Variants in CAMTA1 observed in about 807,000 individuals in gnomAD.
CAMTA1 encodes calmodulin-binding transcription activator 1.
CAMTA1 carries 27 observed loss-of-function variants against 170.9 expected under a neutral mutation model. That is an observed-to-expected ratio of 0.16 (90% CI 0.12 to 0.22). The LOEUF is 0.22. Among genes scored for constraint, CAMTA1 ranks in the 10% least tolerant of loss-of-function variants. CAMTA1 has a pLI of 1.00. For missense variants in CAMTA1, 1,619 were observed against 2,217.2 expected, an observed-to-expected ratio of 0.73 and a Z score of 5.42; for synonymous variants, 833 against 891.5, an observed-to-expected ratio of 0.93 and a Z score of 1.17.
In CAMTA1 at chr1:7,050,450, G is replaced by T. The variant is rs4908591; in HGVS notation, c.235-40854G>T. On this transcript the variant is annotated intron_variant, in intron 3 of 22. Coordinates refer to ENST00000303635, the MANE Select transcript of CAMTA1 (RefSeq NM_015215.4). The surrounding 1 kb of genome is among the most constrained non-coding windows in gnomAD (Gnocchi z 4.8). ...CTCATTGCCACTCTGGGTCCCGACC[G>T]GGTGTGGGTTCAGATGAAGACTCTC... 5.3e-5 allele frequency among the ~76,000 whole-genome samples: 8 copies of T among 152,146 alleles called. No homozygotes were observed. The highest frequency in any genetic ancestry group is 1.9e-4 in the African/African-American group (8 of 41,518).
chr1:7,679,577 C>CCCT (rs1450884171), intron 11 of CAMTA1, among the ~76,000 whole-genome samples: 1 of 98,102 alleles, frequency 1.0e-5, no homozygotes, highest in African/African-American at 3.6e-5. Flanking sequence ...CCCTAGCTGC[C>CCCT]CCCCCCCCCA....
At chr1:7,099,259 C>A (rs1440143797) in intron 4 of CAMTA1, among the ~76,000 whole-genome samples, 1 of 152,166 alleles carries the variant, frequency 6.6e-6, no homozygotes, top group Non-Finnish European at 1.5e-5. Context: ...CCCTGTTGGC[C>A]AGGCTGCTCT....
chr1:7,341,181 C>T (rs969568892), intron 5 of CAMTA1, among the ~76,000 whole-genome samples: 11 of 152,204 alleles, frequency 7.2e-5, no homozygotes, highest in East Asian at 1.9e-4. Flanking sequence ...GTTTGCTGGG[C>T]GTGGAGCTGC....
intron 11 of CAMTA1, among the ~76,000 whole-genome samples, chr1:7,731,581 A>T (rs1424714334): frequency 6.6e-6 from 1 of 151,740 alleles, no homozygotes; most frequent in East Asian, 1.9e-4. Context: ...CAAAAAAAAA[A>T]AAAAAAGAAA....
intron 5 of CAMTA1, among the ~76,000 whole-genome samples, chr1:7,350,262 T>C (rs2084556210): frequency 6.6e-6 from 1 of 152,146 alleles, no homozygotes; most frequent in South Asian, 2.1e-4. Flanking sequence ...ATTCTCTCTG[T>C]GTCCTAGAGC....
At chr1:7,465,558 T>C (rs979875047) in intron 5 of CAMTA1, among the ~76,000 whole-genome samples, 2 of 151,936 alleles carry the variant, frequency 1.3e-5, no homozygotes, top group African/African-American at 4.8e-5. Context: ...GGTTCTGGAG[T>C]GAGGGCCCGA....
chr1:7,126,332 C>T (rs536964149), intron 4 of CAMTA1, among the ~76,000 whole-genome samples: 5 of 152,314 alleles, frequency 3.3e-5, no homozygotes, highest in East Asian at 1.9e-4. Flanking sequence ...TTTCCCCATC[C>T]GTGCCTTCTA....
At chr1:7,017,839 G>C (rs974595484) in intron 3 of CAMTA1, among the ~76,000 whole-genome samples, 2 of 152,248 alleles carry the variant, frequency 1.3e-5, no homozygotes, top group African/African-American at 4.8e-5. Context: ...CAGAAGTGGA[G>C]AGTAAGGGGC....
chr1:6,884,607 AT>A (rs1247479862), intron 3 of CAMTA1, among the ~76,000 whole-genome samples: 5 of 152,196 alleles, frequency 3.3e-5, no homozygotes, highest in Admixed American at 1.3e-4. Flanking sequence ...TGCCTGCAGT[AT>A]CATAATTAAC....
At chr1:7,747,651 G>T in intron 18 of CAMTA1, 59 bp from the exon 19 acceptor site, 2 of 1,220,998 alleles carry the variant, frequency 1.6e-6, no homozygotes, top group East Asian at 4.9e-5. Context: ...GTAATAAAAA[G>T]CTGACATTTC....
At chr1:7,243,941 G>C (rs989480500) in intron 4 of CAMTA1, among the ~76,000 whole-genome samples, 2 of 152,280 alleles carry the variant, frequency 1.3e-5, no homozygotes, top group East Asian at 3.9e-4. Flanking sequence ...ACCACCATCA[G>C]AGTGAAAAGG....
chr1:7,743,626 CGTG>C (rs1474042508), intron 16 of CAMTA1, among the ~76,000 whole-genome samples: 1 of 152,072 alleles, frequency 6.6e-6, no homozygotes, highest in African/African-American at 2.4e-5. Context: ...GAGGCTCCTT[CGTG>C]TTGGCAGGAG....
intron 3 of CAMTA1, among the ~76,000 whole-genome samples, chr1:6,873,055 T>TTGA (rs1325745275): frequency 7.2e-5 from 11 of 152,344 alleles, no homozygotes; most frequent in African/African-American, 2.6e-4. Flanking sequence ...GCTCACGAGC[T>TTGA]TGTTCTTGCC....
intron 4 of CAMTA1, among the ~76,000 whole-genome samples, chr1:7,120,458 A>G (rs549055222): frequency 5.9e-5 from 9 of 152,308 alleles, no homozygotes; most frequent in African/African-American, 2.2e-4. Flanking sequence ...GGGCCCTTCA[A>G]GGTGGCTGCT....
intron 5 of CAMTA1, among the ~76,000 whole-genome samples, chr1:7,466,392 CAT>C (rs2093211884): frequency 6.6e-6 from 1 of 152,218 alleles, no homozygotes; most frequent in South Asian, 2.1e-4. Context: ...AAAGTTCTAA[CAT>C]ATTGAAATCT....
chr1:7,585,408 G>A lies in CAMTA1; in HGVS notation c.511-54992G>A, dbSNP rs1053895006. Among the ~76,000 whole-genome samples the A allele has an allele frequency of 9.9e-5, 15 of 152,156 alleles. No individual in the cohort carries two copies. Among genetic ancestry groups the A allele is most frequent in the African/African-American group, 3.6e-4 (15 of 41,418 alleles). On this transcript the variant is annotated intron_variant, in intron 6 of 22. Coordinates refer to ENST00000303635, the MANE Select transcript of CAMTA1 (RefSeq NM_015215.4). This position sits in a 1 kb window ranked among gnomAD's most constrained non-coding sequence, Gnocchi z 4.8. Reference sequence around the variant, plus strand: ...AGTCCTAACAGAGGGAAGAGTATGTGCAAAGGCCCTGGGGTGGACATAAGC... The same window carrying A: ...AGTCCTAACAGAGGGAAGAGTATGTACAAAGGCCCTGGGGTGGACATAAGC...
chr1:6,797,001 A>T (rs1006395440), intron 1 of CAMTA1, among the ~76,000 whole-genome samples: 3 of 152,358 alleles, frequency 2.0e-5, no homozygotes, highest in Admixed American at 6.5e-5. Context: ...CATTTTAGCT[A>T]AATAATAATG....
chr1:7,563,724 G>A (rs2094994466), intron 6 of CAMTA1, among the ~76,000 whole-genome samples: 1 of 152,224 alleles, frequency 6.6e-6, no homozygotes, highest in Admixed American at 6.5e-5. Flanking sequence ...GCCCATTGGG[G>A]AAACTGAGTC....
At chr1:7,746,749 G>A (rs2096859847) in intron 18 of CAMTA1, among the ~76,000 whole-genome samples, 1 of 151,448 alleles carries the variant, frequency 6.6e-6, no homozygotes, top group South Asian at 2.1e-4. Flanking sequence ...TGATTCTCCT[G>A]CCTCAGCCTC....
Sources: gnomAD v4.1 joint callset for allele counts (sites outside exome capture counted in the v4.1 genomes callset) on GRCh38, gnomAD v4.1.1 for gene constraint, Gnocchi (gnomAD v3.1) non-coding constraint, MANE v1.5 for transcripts, NCBI Gene and HGNC (gene_info 2026-07-23, HGNC 2026-07-21) for gene names.